The following ARID3C variants were observed in gnomAD, a reference collection of about 807,000 sequenced individuals.
ARID3C encodes the protein AT-rich interactive domain-containing protein 3C.
In ARID3C, 42 loss-of-function variants were observed where a neutral mutation model predicts 37.9. The ratio of observed to expected loss-of-function variants is 1.11; its 90% confidence interval spans 0.87 to 1.43. The LOEUF (loss-of-function observed/expected upper bound fraction) is 1.43. Ranked by LOEUF, ARID3C falls within the 40% of genes most tolerant of loss-of-function variation. The pLI is 0.00. For synonymous variants in ARID3C, 213 were observed against 228.0 expected (o/e 0.93, Z 0.59); for missense variants, 581 against 548.8 (o/e 1.06, Z -0.59).
At chr9:34,627,816 C>G (rs140426594) in exon 1 of ARID3C, 1 of 1,613,336 alleles carries the variant, frequency 6.2e-7, no homozygotes, top group South Asian at 1.1e-5. Flanking sequence ...TCCTCTGCCC[C>G]GGCTTCCTCC....
rs776127039 is a variant in ARID3C at position 34,625,696 on chromosome 9, G to A, written c.391+46C>T. ...ACCCAACCGGGTTTCCTCAAACCTG[G>A]TAAGGGGGCAATTCCAGGGCCCTTC... On this transcript the variant is annotated intron_variant, in intron 2 of 6. Coordinates refer to ENST00000378909, the Ensembl canonical transcript of ARID3C. 4.3e-6 allele frequency: 7 copies of A among 1,610,042 alleles called. No homozygotes were observed. In the African/African-American group the frequency reaches 8.0e-5, roughly 18 times the overall value.
intron 5 of ARID3C, 61 bp from the exon 7 acceptor site, chr9:34,622,170 G>A: frequency 1.2e-6 from 2 of 1,601,472 alleles, no homozygotes; most frequent in Non-Finnish European, 1.7e-6. Flanking sequence ...CTTATTAATA[G>A]AATTTCCCCC....
In ARID3C at chr9:34,622,810, G is replaced by C. The variant is rs1329430740; in HGVS notation, c.866-281C>G. Among the ~76,000 whole-genome samples, 4 of 152,280 alleles carry C rather than the reference G, an allele frequency of 2.6e-5. No homozygotes were observed. In the East Asian group the frequency reaches 7.7e-4, roughly 29 times the overall value. On this transcript the variant is annotated intron_variant, in intron 4 of 6. Transcript: ENST00000378909. ...AAGAGGCACAAACTATATGCAAATA[G>C]GAGCACTGGGTGGACATGTGTGGAA...
At chr9:34,625,699 AGG>A (rs773470718) in intron 2 of ARID3C, 41 bp downstream of exon 3, 1 of 1,610,032 alleles carries the variant, frequency 6.2e-7, no homozygotes, top group Admixed American at 1.7e-5. Context: ...AAACCTGGTA[AGG>A]GGGCAATTCC....
chr9:34,623,950 G>T, exon 3 of ARID3C: 2 of 1,606,440 alleles, frequency 1.2e-6, no homozygotes. Flanking sequence ...TGCGGTTGAT[G>T]ACTTCCACCA....
upstream of ARID3C, among the ~76,000 whole-genome samples, chr9:34,630,151 A>G (rs937275686): frequency 6.6e-6 from 1 of 152,174 alleles, no homozygotes; most frequent in Admixed American, 6.5e-5. Context: ...AGTGACCGGC[A>G]CTTCGCCCAT....
Position 34,621,484 on chromosome 9 carries a change from CT to C in ARID3C, c.1212del (p.Pro407LeufsTer?), listed in dbSNP as rs749383965. On this transcript the variant is annotated frameshift_variant, in exon 7 of 7. Transcript: ENST00000378909. LOFTEE classifies it high-confidence loss of function. ...CAGGGCAAGATGCTGGAAGGGGGCC[CT>C]GTGGAGGGTGGGGGTGCAGGGTTGG... 3 of 1,534,200 alleles carry C rather than the reference CT, an allele frequency of 2.0e-6. No homozygotes were observed. The highest frequency in any genetic ancestry group is 2.6e-6 in the Non-Finnish European group (3 of 1,153,130).
intron 1 of ARID3C, 132 bp downstream of exon 2, chr9:34,627,565 C>A: frequency 1.3e-6 from 1 of 779,730 alleles, no homozygotes; most frequent in East Asian, 2.7e-5. Context: ...TTCTATAGGT[C>A]TCCGTGTCTC....
At chr9:34,626,538 G>A (rs909123348) in intron 1 of ARID3C, among the ~76,000 whole-genome samples, 2 of 152,166 alleles carry the variant, frequency 1.3e-5, no homozygotes, top group African/African-American at 2.4e-5. Context: ...CCGAATACTA[G>A]TCAAGAGAAC....
chr9:34,632,891 A>G (rs935042046), upstream of ARID3C, among the ~76,000 whole-genome samples: 6 of 152,010 alleles, frequency 3.9e-5, no homozygotes, highest in Non-Finnish European at 7.4e-5. Flanking sequence ...AAGATTTCCA[A>G]CTCTGGTGCT....
chr9:34,622,311 A>G (rs765213156), intron 5 of ARID3C, 36 bp downstream of exon 6: 12 of 1,579,638 alleles, frequency 7.6e-6, no homozygotes, highest in Non-Finnish European at 1.0e-5. Flanking sequence ...CTCAGTGTAC[A>G]GTCCCGAAGC....
exon 6 of ARID3C, chr9:34,622,055 T>C: frequency 1.2e-6 from 2 of 1,614,170 alleles, no homozygotes; most frequent in East Asian, 2.2e-5. Flanking sequence ...TAGGGCCATG[T>C]TGATACTGCT....
chr9:34,621,874 C>T, intron 6 of ARID3C, 146 bp downstream of exon 7: 1 of 819,114 alleles, frequency 1.2e-6, no homozygotes, highest in South Asian at 1.6e-5. Flanking sequence ...TAACCCATGC[C>T]AGTCTAGCAA....
chr9:34,629,565 C>G (rs1396543521), upstream of ARID3C, among the ~76,000 whole-genome samples: 2 of 152,208 alleles, frequency 1.3e-5, no homozygotes, highest in African/African-American at 4.8e-5. Flanking sequence ...TGCTGTCCCC[C>G]ACTGCGGGCA....
chr9:34,622,175 T>C (rs551805981), intron 5 of ARID3C, 66 bp from the exon 7 acceptor site: 20 of 1,598,824 alleles, frequency 1.3e-5, no homozygotes, highest in Non-Finnish European at 1.5e-5. Context: ...TAATAGAATT[T>C]CCCCCCTCCA....
chr9:34,628,229 C>G (rs1006151016), upstream of ARID3C: 7 of 557,340 alleles, frequency 1.3e-5, no homozygotes, highest in African/African-American at 1.3e-4. The surrounding 1 kb of genome is among the most constrained non-coding windows in gnomAD (Gnocchi z 5.2). Flanking sequence ...TGAACAGAAA[C>G]AGGACCAGAC....
At chr9:34,628,461 CAAGATGGAG>C (rs1413612735), upstream of ARID3C, among the ~76,000 whole-genome samples, 1 of 151,660 alleles carries the variant, frequency 6.6e-6, no homozygotes, top group Non-Finnish European at 1.5e-5. This position sits in a 1 kb window ranked among gnomAD's most constrained non-coding sequence, Gnocchi z 5.2. Flanking sequence ...TGAGAGGGAC[CAAGATGGAG>C]AGAGGCAGAG....
chr9:34,622,036 G>C, exon 6 of ARID3C: 1 of 1,614,108 alleles, frequency 6.2e-7, no homozygotes, highest in Non-Finnish European at 8.5e-7. Flanking sequence ...AGACCACCCC[G>C]TTGATCTCTA....
chr9:34,627,702 T>C (rs773589349), exon 1 of ARID3C: 4 of 1,608,606 alleles, frequency 2.5e-6, no homozygotes, highest in Non-Finnish European at 3.4e-6. Flanking sequence ...CCTACCTGCT[T>C]GAATTGTTCC....
Sources: allele counts gnomAD v4.1 joint callset (sites outside exome capture counted in the v4.1 genomes callset), GRCh38; gene constraint gnomAD v4.1.1; non-coding constraint Gnocchi (gnomAD v3.1); transcripts MANE v1.5; gene names NCBI Gene and HGNC (gene_info 2026-07-23, HGNC 2026-07-21).